SV2C: variants seen among roughly 807,000 people sequenced by gnomAD.
SV2C encodes the protein solute carrier family 22 member B3.
In SV2C, 49 loss-of-function variants were observed where a neutral mutation model predicts 79.7. The ratio of observed to expected loss-of-function variants is 0.61; its 90% confidence interval spans 0.49 to 0.78. SV2C has a LOEUF of 0.78. Ranked by LOEUF, SV2C falls within the 30% of genes least tolerant of loss-of-function variation. The pLI is 0.00. For synonymous variants in SV2C, 334 were observed against 333.2 expected (o/e 1.00, Z -0.03); for missense variants, 833 against 912.9 (o/e 0.91, Z 1.13).
chr5:76,303,466 A>T (rs1325020420), intron 12 of SV2C, among the ~76,000 whole-genome samples: 2 of 152,206 alleles, frequency 1.3e-5, no homozygotes, highest in Non-Finnish European at 2.9e-5. Context: ...TGTCTCAAAA[A>T]ATAAATAATA....
Position 76,325,686 on chromosome 5 carries a change from T to G in SV2C, c.*139T>G. 1 of 1,231,578 alleles carries G rather than the reference T, an allele frequency of 8.1e-7. No homozygotes were observed. The highest frequency in any genetic ancestry group is 1.1e-6 in the Non-Finnish European group (1 of 905,728). The allele number at this position is 1,231,578 out of a possible 1,614,324, so 76.3% of individuals were successfully genotyped here. ...ATAAACACGTGCTGTGACTTAAAAT[T>G]TAGAAGCATATCATCTTGCCCCTTT... is the stretch of plus-strand genomic sequence containing the variant. On this transcript the variant is annotated 3_prime_UTR_variant, in exon 13 of 13. Coordinates refer to ENST00000502798, the MANE Select transcript of SV2C (RefSeq NM_014979.4).
chr5:76,215,820 C>T (rs1205767203), intron 4 of SV2C, among the ~76,000 whole-genome samples: 1 of 151,954 alleles, frequency 6.6e-6, no homozygotes, highest in Non-Finnish European at 1.5e-5. Context: ...AATTGGCATC[C>T]ACATTGCAAG....
At chr5:76,344,483 C>A (rs910428901) in intron 12 of SV2C, among the ~76,000 whole-genome samples, 3 of 152,108 alleles carry the variant, frequency 2.0e-5, no homozygotes, top group Admixed American at 2.0e-4. Flanking sequence ...CCAAGGCGGG[C>A]GGATCACCGG....
chr5:76,213,250 T>A (rs1744820482), intron 4 of SV2C, among the ~76,000 whole-genome samples: 1 of 152,256 alleles, frequency 6.6e-6, no homozygotes, highest in African/African-American at 2.4e-5. Context: ...AAAATAACTT[T>A]GCTGAGGTCA....
intron 4 of SV2C, among the ~76,000 whole-genome samples, chr5:76,217,347 A>G (rs1744932808): frequency 6.6e-6 from 1 of 152,234 alleles, no homozygotes; most frequent in Admixed American, 6.5e-5. Context: ...GCAGGGAAGG[A>G]TTCCTGATTC....
intron 1 of SV2C, among the ~76,000 whole-genome samples, chr5:76,105,582 G>A (rs886124277): frequency 2.0e-5 from 3 of 152,032 alleles, no homozygotes; most frequent in Admixed American, 2.0e-4. Context: ...CAGCCCTAGA[G>A]GTTATAGTTT....
chr5:75,932,160 T>G, the SV2C span, among the ~76,000 whole-genome samples: 10 of 152,238 alleles, frequency 6.6e-5, no homozygotes, highest in Non-Finnish European at 1.5e-4. Context: ...AGTCAGCCCC[T>G]GCAGGCTGGC....
chr5:75,929,247 T>C, the SV2C span, among the ~76,000 whole-genome samples: 62 of 151,972 alleles, frequency 4.1e-4, no homozygotes, highest in Non-Finnish European at 7.2e-4. Context: ...TGAGTCTCCC[T>C]GTGCCCAGCC....
the SV2C span, among the ~76,000 whole-genome samples, chr5:75,896,697 G>C: frequency 4.0e-5 from 6 of 151,116 alleles, no homozygotes; most frequent in Non-Finnish European, 7.4e-5. Context: ...GTGTAAAAGT[G>C]TTCCTGTTTC....
rs113861501 is a variant in SV2C, at chr5:76,314,156, G to GTGAA, written c.2001-11187_2001-11184dup. ...TCCTTATTTACTGCCATAACTCTAGGTGAATGAATGAATGAATGAATGAAA... is the reference window on the plus strand; with the variant it reads ...TCCTTATTTACTGCCATAACTCTAGGTGAATGAATGAATGAATGAATGAATGAAA... On this transcript the variant is annotated intron_variant, in intron 12 of 12. Transcript: ENST00000502798. Among the ~76,000 whole-genome samples the GTGAA allele has an allele frequency of 7.9e-4, 120 of 152,276 alleles. 1 individual carries two copies. The highest frequency in any genetic ancestry group is 3.4e-3 in the Middle Eastern group (1 of 294).
At chr5:76,048,862 T>C in the SV2C span, among the ~76,000 whole-genome samples, 1 of 65,844 alleles carries the variant, frequency 1.5e-5, no homozygotes, top group African/African-American at 6.1e-5. Flanking sequence ...AGGAAGGGGG[T>C]GAGAGAGAGA....
At chr5:75,908,301 C>A in the SV2C span, among the ~76,000 whole-genome samples, 1 of 152,306 alleles carries the variant, frequency 6.6e-6, no homozygotes, top group East Asian at 1.9e-4. Context: ...TTTTGTGTCA[C>A]ACATTATGTA....
At chr5:75,856,269 C>A in the SV2C span, among the ~76,000 whole-genome samples, 1 of 152,182 alleles carries the variant, frequency 6.6e-6, no homozygotes, top group African/African-American at 2.4e-5. Context: ...GTGCAGAGAT[C>A]TCTTCCATGT....
At chr5:75,853,468 A>G in the SV2C span, among the ~76,000 whole-genome samples, 1 of 148,228 alleles carries the variant, frequency 6.7e-6, no homozygotes, top group Non-Finnish European at 1.5e-5. Context: ...AGGCAGGAGA[A>G]TGGTGTGAAC....
intron 9 of SV2C, among the ~76,000 whole-genome samples, chr5:76,297,149 CAT>C (rs752539507): frequency 2.6e-5 from 4 of 152,136 alleles, no homozygotes; most frequent in Non-Finnish European, 5.9e-5. Context: ...TTTTGTAAAA[CAT>C]ATGTTACACA....
At chr5:76,091,546 G>A (rs1287303127) in intron 1 of SV2C, among the ~76,000 whole-genome samples, 1 of 152,168 alleles carries the variant, frequency 6.6e-6, no homozygotes, top group Non-Finnish European at 1.5e-5. Context: ...GAGAATCTGT[G>A]AATGTATGAG....
At chr5:76,227,737 G>A (rs145423462) in intron 4 of SV2C, among the ~76,000 whole-genome samples, 2 of 152,270 alleles carry the variant, frequency 1.3e-5, no homozygotes, top group African/African-American at 2.4e-5. Context: ...CACACATCTG[G>A]TTGAGACAGT....
the SV2C span, among the ~76,000 whole-genome samples, chr5:75,904,507 A>C: frequency 6.6e-6 from 1 of 152,102 alleles, no homozygotes; most frequent in Non-Finnish European, 1.5e-5. Flanking sequence ...CAAATTGATC[A>C]GAGCTGTGAG....
intron 1 of SV2C, among the ~76,000 whole-genome samples, chr5:76,097,166 G>A (rs976730468): frequency 1.3e-5 from 2 of 152,118 alleles, no homozygotes; most frequent in African/African-American, 2.4e-5. Context: ...ATGTCGCACA[G>A]TTTTCCAGTG....
Sources: allele counts gnomAD v4.1 joint callset (sites outside exome capture counted in the v4.1 genomes callset), GRCh38; gene constraint gnomAD v4.1.1; transcripts MANE v1.5; gene names NCBI Gene and HGNC (gene_info 2026-07-23, HGNC 2026-07-21).